Variants in ANO2 observed in about 807,000 individuals in gnomAD.
ANO2 encodes the protein anoctamin-2.
In ANO2, 101 loss-of-function variants were observed where a neutral mutation model predicts 124.2. The observed-to-expected ratio is 0.81, with a 90% CI of 0.69 to 0.96. The LOEUF is 0.96. ANO2 is among the 40% of genes least tolerant of loss of function. The pLI, the probability that ANO2 is intolerant of heterozygous loss-of-function variation, is 0.00. For synonymous variants in ANO2, 486 were observed against 482.5 expected (o/e 1.01, Z -0.09); for missense variants, 1,293 against 1,274.5 (o/e 1.01, Z -0.22).
intron 1 of ANO2, among the ~76,000 whole-genome samples, chr12:5,923,160 GCATACACACA>G (rs1565783923): frequency 1.6e-4 from 4 of 24,598 alleles, no homozygotes; most frequent in African/African-American, 4.6e-4. Flanking sequence ...ATACACACAC[GCATACACACA>G]CACGCACACA....
intron 3 of ANO2, among the ~76,000 whole-genome samples, chr12:5,859,080 C>T (rs148389838): frequency 1.8e-3 from 272 of 152,244 alleles, no homozygotes; most frequent in African/African-American, 5.8e-3. Flanking sequence ...AGAGATTAGC[C>T]GTCAGAGGAT....
chr12:5,628,235 G>A (rs985844956), intron 16 of ANO2, among the ~76,000 whole-genome samples: 5 of 152,286 alleles, frequency 3.3e-5, no homozygotes, highest in East Asian at 1.9e-4. Flanking sequence ...TGGGACAGGC[G>A]GCTGCACTCA....
chr12:5,854,962 G>A (rs73255173), intron 3 of ANO2, among the ~76,000 whole-genome samples: 3,368 of 145,624 alleles, frequency 0.023, 119 homozygotes, highest in African/African-American at 0.078. Context: ...AAACAAGCAC[G>A]CACAGGGGAA....
At chr12:5,820,514 T>A (rs180695135) in intron 7 of ANO2, among the ~76,000 whole-genome samples, 1 of 152,190 alleles carries the variant, frequency 6.6e-6, no homozygotes, top group Non-Finnish European at 1.5e-5. Flanking sequence ...ATAATTAGCA[T>A]AGACATACTT....
At chr12:5,712,160 A>C (rs1020723319) in intron 14 of ANO2, among the ~76,000 whole-genome samples, 1 of 152,208 alleles carries the variant, frequency 6.6e-6, no homozygotes, top group Non-Finnish European at 1.5e-5. Context: ...AAACATCTAT[A>C]GTAAAATTTC....
chr12:5,689,908 T>C (rs1948859693), intron 14 of ANO2, among the ~76,000 whole-genome samples: 1 of 152,150 alleles, frequency 6.6e-6, no homozygotes, highest in Non-Finnish European at 1.5e-5. Context: ...GCAAGGTGGA[T>C]AAAATGTTTC....
chr12:5,587,681 AG>A (rs1478368505), intron 20 of ANO2, among the ~76,000 whole-genome samples: 2 of 151,974 alleles, frequency 1.3e-5, no homozygotes, highest in Non-Finnish European at 2.9e-5. Flanking sequence ...CTTCAGGAAA[AG>A]GTTTGATATT....
chr12:5,725,167 C>T (rs1950390268), intron 14 of ANO2, among the ~76,000 whole-genome samples: 1 of 151,904 alleles, frequency 6.6e-6, no homozygotes, highest in Non-Finnish European at 1.5e-5. Flanking sequence ...CCCATCCACA[C>T]ACATACATAC....
chr12:5,771,676 A>C (rs1260822355), intron 10 of ANO2, among the ~76,000 whole-genome samples: 1 of 152,172 alleles, frequency 6.6e-6, no homozygotes, highest in Admixed American at 6.5e-5. Context: ...GCTACTCGGG[A>C]GGCTGAGGCA....
chr12:5,812,961 AGAGGGAGGGAGGAAGGAAGGAAGGGTAAG>A (rs1953476737), intron 7 of ANO2, among the ~76,000 whole-genome samples: 1 of 58,096 alleles, frequency 1.7e-5, no homozygotes, highest in Non-Finnish European at 4.1e-5. Flanking sequence ...AAGAAGGAAG[AGAGGGAGGGAGGAAGGAAGGAAGGGTAAG>A]CAAACAAGCA....
chr12:5,646,724 G>GA (rs1253649409), intron 15 of ANO2, among the ~76,000 whole-genome samples: 7 of 152,164 alleles, frequency 4.6e-5, no homozygotes, highest in African/African-American at 1.7e-4. Flanking sequence ...GCAATGAGAA[G>GA]AAAACAAATT....
intron 23 of ANO2, among the ~76,000 whole-genome samples, chr12:5,575,152 TCCC>T (rs1169079622): frequency 6.6e-6 from 1 of 152,082 alleles, no homozygotes; most frequent in East Asian, 1.9e-4. Flanking sequence ...TCAAGTAATC[TCCC>T]TCTCCTCTGA....
chr12:5,837,913 T>C (rs1025715516), intron 4 of ANO2, among the ~76,000 whole-genome samples: 6 of 151,724 alleles, frequency 4.0e-5, no homozygotes, highest in African/African-American at 1.5e-4. Context: ...AAAAAATTAA[T>C]GAATCCAGGA....
chr12:5,689,827 A>T (rs1948857655), intron 14 of ANO2, among the ~76,000 whole-genome samples: 1 of 152,178 alleles, frequency 6.6e-6, no homozygotes, highest in Admixed American at 6.5e-5. Context: ...GGCACATAGT[A>T]AGCACTCAAG....
At chr12:5,721,964 C>T (rs144536366) in intron 14 of ANO2, among the ~76,000 whole-genome samples, 2,554 of 152,224 alleles carry the variant, frequency 0.017, 30 homozygotes, top group Non-Finnish European at 0.026. Context: ...ATATTTATGT[C>T]CTAACAAATT....
chr12:5,624,009 G>A (rs1591760958), intron 16 of ANO2, among the ~76,000 whole-genome samples: 1 of 152,226 alleles, frequency 6.6e-6, no homozygotes, highest in East Asian at 1.9e-4. Context: ...ATGACCTGAG[G>A]GAGCTGAAAG....
rs370881334 is a variant in ANO2, at chr12:5,617,177, C to T, written c.1817-1880G>A. 5.4e-4 allele frequency among the ~76,000 whole-genome samples: 82 copies of T among 152,130 alleles called. 3 individuals carry two copies. In the East Asian group the frequency reaches 9.9e-3, roughly 18 times the overall value. On this transcript the variant is annotated intron_variant, in intron 16 of 24. Transcript: ENST00000682330. ...AACCTCTCCAGATTGCACCATACTG[C>T]ACTCTCCAGATCACACTGTACCACA...
chr12:5,785,897 G>A (rs906543728), intron 10 of ANO2, among the ~76,000 whole-genome samples: 1 of 152,124 alleles, frequency 6.6e-6, no homozygotes, highest in Non-Finnish European at 1.5e-5. Context: ...ATCGTCCAGA[G>A]CTCCTTAAGT....
At chr12:5,859,386 CTG>C (rs1288221209) in intron 3 of ANO2, among the ~76,000 whole-genome samples, 1 of 152,226 alleles carries the variant, frequency 6.6e-6, no homozygotes, top group East Asian at 1.9e-4. Flanking sequence ...AATCCTTTCA[CTG>C]TGACTCCATT....
Sources: allele counts gnomAD v4.1 joint callset (sites outside exome capture counted in the v4.1 genomes callset), GRCh38; gene constraint gnomAD v4.1.1; transcripts MANE v1.5; gene names NCBI Gene and HGNC (gene_info 2026-07-23, HGNC 2026-07-21).